The following URI1 variants were observed in gnomAD, a reference collection of about 807,000 sequenced individuals.
The protein encoded by URI1 is unconventional prefoldin RPB5 interactor 1.
Under a neutral mutation model 60.2 loss-of-function variants are expected in URI1, and 39 were observed. The ratio of observed to expected loss-of-function variants is 0.65; its 90% CI spans 0.50 to 0.85. The LOEUF (loss-of-function observed/expected upper bound fraction) is 0.85. URI1 is among the 40% of genes least tolerant of loss of function. The pLI is 0.00. For synonymous variants in URI1, 251 were observed against 236.8 expected (o/e 1.06, Z -0.55); for missense variants, 691 against 665.9 (o/e 1.04, Z -0.42).
chr19:29,963,934 A>G (rs998425697), intron 1 of URI1, among the ~76,000 whole-genome samples: 5 of 152,162 alleles, frequency 3.3e-5, no homozygotes, highest in African/African-American at 9.7e-5. Context: ...TCTGCTTTTC[A>G]GAGTTTTAGT....
chr19:30,007,344 G>T (rs1232838289), intron 6 of URI1, 126 bp from the exon 7 acceptor site: 1 of 1,034,262 alleles, frequency 9.7e-7, no homozygotes, highest in Non-Finnish European at 1.4e-6. Flanking sequence ...GTTCTGTTTG[G>T]CTTAAAAATT....
At chr19:29,969,473 C>G (rs113826413) in intron 1 of URI1, among the ~76,000 whole-genome samples, 15 of 152,102 alleles carry the variant, frequency 9.9e-5, no homozygotes, top group Non-Finnish European at 4.4e-5. Context: ...CCTTTAACAC[C>G]GTCACTAATG....
chr19:30,000,989 T>C (rs967836045), intron 4 of URI1, among the ~76,000 whole-genome samples: 13 of 151,982 alleles, frequency 8.6e-5, no homozygotes, highest in African/African-American at 2.9e-4. Flanking sequence ...ACTTTTTTTT[T>C]GTTCTTTGGC....
chr19:29,952,657 A>G (rs1029202933), intron 1 of URI1, among the ~76,000 whole-genome samples: 2 of 151,896 alleles, frequency 1.3e-5, no homozygotes, highest in African/African-American at 4.8e-5. Flanking sequence ...TAGAAGAGGA[A>G]ATAGAGTTTA....
chr19:30,000,116 G>A (rs1181947554), intron 4 of URI1, among the ~76,000 whole-genome samples: 3 of 151,660 alleles, frequency 2.0e-5, no homozygotes, highest in African/African-American at 7.3e-5. Context: ...TGTTGAATCA[G>A]TATTCATGCT....
chr19:29,945,105 GT>G (rs1285191315), intron 1 of URI1, among the ~76,000 whole-genome samples: 2 of 152,196 alleles, frequency 1.3e-5, no homozygotes, highest in Non-Finnish European at 2.9e-5. Flanking sequence ...CCCTACATGG[GT>G]TTTGTGAGAC....
At chr19:29,968,071 T>G (rs1389532488) in intron 1 of URI1, among the ~76,000 whole-genome samples, 1 of 152,232 alleles carries the variant, frequency 6.6e-6, no homozygotes. Context: ...ATAGTTCTTT[T>G]TCTTTACTGT....
At chr19:29,941,306 A>C (rs1331034452), upstream of URI1, among the ~76,000 whole-genome samples, 3 of 152,192 alleles carry the variant, frequency 2.0e-5, no homozygotes, top group Non-Finnish European at 2.9e-5. Flanking sequence ...AAGTGGGCAC[A>C]GGAGTTCTAA....
chr19:30,007,519 T>C lies in URI1; in HGVS notation c.567T>C (p.Asp189=), dbSNP rs1279454723. The change falls in exon 7 of 11, where the codon GAT becomes GAC. Residue 189 remains aspartate, a synonymous_variant. Coordinates refer to ENST00000392271, the MANE Select transcript of URI1 (RefSeq NM_003796.3). ...HKPHSKPKTS[D]IFEADIANDV... is the part of the protein sequence containing the mutation. The stretch of plus-strand genomic sequence containing the variant: ...CGCATTCCAAACCAAAAACTTCAGA[T>C]ATTTTTGAAGCAGATATTGCAAATG... 6.2e-7 allele frequency: 1 copy of C among 1,613,496 alleles called. No homozygotes were observed. Among genetic ancestry groups the C allele is most frequent in the Non-Finnish European group, 8.5e-7 (1 of 1,179,594 alleles).
chr19:29,989,613 G>T (rs959356809), intron 4 of URI1, among the ~76,000 whole-genome samples: 1 of 151,844 alleles, frequency 6.6e-6, no homozygotes, highest in South Asian at 2.1e-4. Context: ...AGTAGAGACA[G>T]GGTTTCACCA....
chr19:30,013,158 A>G (rs1281536196), intron 10 of URI1, among the ~76,000 whole-genome samples: 4 of 152,190 alleles, frequency 2.6e-5, no homozygotes, highest in African/African-American at 9.6e-5. Flanking sequence ...ATATAAGGCT[A>G]TTGATTTCTT....
intron 1 of URI1, among the ~76,000 whole-genome samples, chr19:29,970,104 A>G (rs1363602456): frequency 6.7e-6 from 1 of 148,624 alleles, no homozygotes; most frequent in African/African-American, 2.5e-5. Flanking sequence ...GAATTTAGTG[A>G]CAGGTCTAAA....
chr19:29,985,434 T>G, intron 3 of URI1, 133 bp downstream of exon 3: 1 of 651,354 alleles, frequency 1.5e-6, no homozygotes, highest in Non-Finnish European at 2.5e-6. Context: ...TTGTTTTGTT[T>G]TACTTTATAA....
chr19:29,946,954 A>C (rs982672950), intron 1 of URI1, among the ~76,000 whole-genome samples: 11 of 152,212 alleles, frequency 7.2e-5, no homozygotes, highest in African/African-American at 2.7e-4. Flanking sequence ...GGTAAGGCTA[A>C]GTAGAAAAAC....
intron 4 of URI1, among the ~76,000 whole-genome samples, chr19:29,996,878 T>C (rs370470182): frequency 6.6e-6 from 1 of 152,126 alleles, no homozygotes; most frequent in Non-Finnish European, 1.5e-5. Context: ...TGTTTTTTCC[T>C]CTTCATTCTG....
chr19:29,988,275 AG>A (rs1327022735), intron 4 of URI1, among the ~76,000 whole-genome samples: 1 of 152,202 alleles, frequency 6.6e-6, no homozygotes, highest in Non-Finnish European at 1.5e-5. Context: ...TATTAAGAAA[AG>A]GTACTTTATT....
chr19:29,949,665 C>CG (rs1265528141), intron 1 of URI1, among the ~76,000 whole-genome samples: 3 of 151,858 alleles, frequency 2.0e-5, no homozygotes, highest in Admixed American at 2.0e-4. Context: ...CCCGGCACGT[C>CG]GGGGGGCCAA....
chr19:30,008,606 CAT>C (rs1030473760), intron 7 of URI1, among the ~76,000 whole-genome samples: 3 of 151,922 alleles, frequency 2.0e-5, no homozygotes, highest in Non-Finnish European at 4.4e-5. Context: ...AATACATGCT[CAT>C]TGTAAAATAT....
intron 1 of URI1, among the ~76,000 whole-genome samples, chr19:29,931,023 ACTGTAG>A (rs1395162327): frequency 3.9e-5 from 6 of 152,098 alleles, no homozygotes; most frequent in Non-Finnish European, 8.8e-5. Flanking sequence ...TATTTTGATT[ACTGTAG>A]CTTTGTAGTA....
Sources: gnomAD v4.1 joint callset for allele counts (sites outside exome capture counted in the v4.1 genomes callset) on GRCh38, gnomAD v4.1.1 for gene constraint, MANE v1.5 for transcripts, NCBI Gene and HGNC (gene_info 2026-07-23, HGNC 2026-07-21) for gene names.